TUSC3: variants seen among roughly 807,000 people sequenced by gnomAD.
TUSC3 encodes dolichyl-diphosphooligosaccharide--protein glycosyltransferase subunit TUSC3.
Under a neutral mutation model 44.8 loss-of-function variants are expected in TUSC3, and 45 were observed. The ratio of observed to expected loss-of-function variants is 1.00; its 90% CI spans 0.79 to 1.29. The LOEUF is 1.29. Among genes scored for constraint, TUSC3 ranks in the 50% most tolerant of loss-of-function variants. TUSC3 has a pLI of 0.00. For missense variants in TUSC3, 519 were observed against 437.9 expected (o/e 1.19, Z -1.65); for synonymous variants, 212 against 152.9 (o/e 1.39, Z -2.85).
chr8:15,618,196 C>G (rs1478074051), intron 1 of TUSC3, among the ~76,000 whole-genome samples: 1 of 152,152 alleles, frequency 6.6e-6, no homozygotes, highest in Non-Finnish European at 1.5e-5. Context: ...TTACTGTACA[C>G]TACTGTAGAC....
At chr8:15,802,459 G>A in the TUSC3 span, among the ~76,000 whole-genome samples, 2 of 152,132 alleles carry the variant, frequency 1.3e-5, no homozygotes, top group African/African-American at 2.4e-5. Flanking sequence ...GTCTTGCACT[G>A]TCGCCAGGCT....
At chr8:15,790,564 G>T in the TUSC3 span, among the ~76,000 whole-genome samples, 6 of 152,014 alleles carry the variant, frequency 3.9e-5, no homozygotes, top group Non-Finnish European at 5.9e-5. Flanking sequence ...AGAGGTTGCC[G>T]TCAGTGCCAC....
At chr8:15,769,998 A>G (rs1190898094), downstream of TUSC3, among the ~76,000 whole-genome samples, 2 of 152,200 alleles carry the variant, frequency 1.3e-5, no homozygotes, top group African/African-American at 4.8e-5. Context: ...TGTGGAAGAC[A>G]GTGTGGTGAT....
chr8:15,440,299 A>G (rs372608447), intron 1 of TUSC3, among the ~76,000 whole-genome samples: 1 of 152,278 alleles, frequency 6.6e-6, no homozygotes, highest in East Asian at 1.9e-4. Flanking sequence ...GACAGATCCA[A>G]CAAATAAAGC....
intron 2 of TUSC3, among the ~76,000 whole-genome samples, chr8:15,631,896 A>T (rs919748891): frequency 6.6e-6 from 1 of 151,878 alleles, no homozygotes; most frequent in African/African-American, 2.4e-5. Context: ...TTTAGTAGAG[A>T]TGGGGTTTCA....
At chr8:15,839,666 A>C in the TUSC3 span, among the ~76,000 whole-genome samples, 1 of 152,212 alleles carries the variant, frequency 6.6e-6, no homozygotes, top group African/African-American at 2.4e-5. Flanking sequence ...GCAAATCAAA[A>C]CCACAATGAG....
At chr8:15,675,310 A>G (rs919998381) in intron 6 of TUSC3, among the ~76,000 whole-genome samples, 2 of 150,786 alleles carry the variant, frequency 1.3e-5, no homozygotes, top group African/African-American at 5.0e-5. Context: ...TTCTTTAGGT[A>G]TAAAACATAT....
chr8:15,770,396 C>G (rs754141159), downstream of TUSC3, among the ~76,000 whole-genome samples: 1 of 152,022 alleles, frequency 6.6e-6, no homozygotes, highest in East Asian at 1.9e-4. Flanking sequence ...CATCACACAC[C>G]GAGGCCTGTC....
chr8:15,617,416 G>C (rs556523385), intron 1 of TUSC3, among the ~76,000 whole-genome samples: 1 of 151,998 alleles, frequency 6.6e-6, no homozygotes, highest in South Asian at 2.1e-4. Context: ...AGGATTACAG[G>C]CGTGAGCCAC....
intron 1 of TUSC3, among the ~76,000 whole-genome samples, chr8:15,445,519 CTTAACGAGCATGCTG>C (rs1332506828): frequency 6.6e-6 from 1 of 152,082 alleles, no homozygotes; most frequent in African/African-American, 2.4e-5. Flanking sequence ...GGTGATGACT[CTTAACGAGCATGCTG>C]CCTTCAAGCA....
chr8:15,552,116 G>A (rs1802079891), intron 1 of TUSC3, among the ~76,000 whole-genome samples: 1 of 151,672 alleles, frequency 6.6e-6, no homozygotes, highest in Non-Finnish European at 1.5e-5. Context: ...TAAGTATGTT[G>A]TAAATGTTTT....
chr8:15,488,838 G>T (rs1800769033), intron 2 of TUSC3, among the ~76,000 whole-genome samples: 2 of 152,152 alleles, frequency 1.3e-5, no homozygotes, highest in African/African-American at 4.8e-5. Context: ...AGAAATAAAT[G>T]TTAGTTGCAT....
At chr8:15,477,564 T>C (rs1335642801) in intron 1 of TUSC3, among the ~76,000 whole-genome samples, 4 of 151,850 alleles carry the variant, frequency 2.6e-5, no homozygotes, top group African/African-American at 9.7e-5. Context: ...CTACTAAAAA[T>C]ACAAAAAATT....
rs1802459159 is a variant in TUSC3 at position 15,561,495 on chromosome 8, A to G, written c.138+20927A>G. 2 of 146,948 alleles carry G rather than the reference A, an allele frequency of 1.4e-5. 1 individual carries two copies. Among genetic ancestry groups the G allele is most frequent in the Non-Finnish European group, 3.0e-5 (2 of 65,814 alleles). The allele number at this position is 146,948 out of a possible 1,614,324, so 9.1% of individuals were successfully genotyped here. On this transcript the variant is annotated intron_variant, in intron 1 of 10. Coordinates refer to ENST00000503731, the MANE Select transcript of TUSC3 (RefSeq NM_006765.4). ...CTGCCCCCAGAGGTGGAGCCTACAG[A>G]GGCAGGCAGGCCTCCTTGAGCTGTG...
At chr8:15,624,603 T>G (rs1805406058) in intron 2 of TUSC3, among the ~76,000 whole-genome samples, 1 of 152,206 alleles carries the variant, frequency 6.6e-6, no homozygotes, top group Admixed American at 6.5e-5. Flanking sequence ...CATCTATGTA[T>G]CATCTTTAAT....
At chr8:15,609,999 T>C (rs974877869) in intron 1 of TUSC3, among the ~76,000 whole-genome samples, 1 of 152,138 alleles carries the variant, frequency 6.6e-6, no homozygotes, top group African/African-American at 2.4e-5. Context: ...TGTATTATTA[T>C]GCTCTTTATT....
chr8:15,496,658 CAG>C (rs1800884323), intron 2 of TUSC3, among the ~76,000 whole-genome samples: 1 of 152,134 alleles, frequency 6.6e-6, no homozygotes, highest in Non-Finnish European at 1.5e-5. Context: ...GGAGTAGGAA[CAG>C]ACCCTGAGAA....
chr8:15,818,622 G>C, the TUSC3 span, among the ~76,000 whole-genome samples: 1 of 152,068 alleles, frequency 6.6e-6, no homozygotes, highest in Non-Finnish European at 1.5e-5. Context: ...GATCAGAACA[G>C]GGTTTTTAAG....
intron 5 of TUSC3, among the ~76,000 whole-genome samples, chr8:15,671,703 T>C (rs563496112): frequency 1.6e-4 from 24 of 152,228 alleles, no homozygotes; most frequent in African/African-American, 5.8e-4. Flanking sequence ...TTGCCTCTTT[T>C]CCTCCATGTA....
Sources: allele counts gnomAD v4.1 joint callset (sites outside exome capture counted in the v4.1 genomes callset), GRCh38; gene constraint gnomAD v4.1.1; transcripts MANE v1.5; gene names NCBI Gene and HGNC (gene_info 2026-07-23, HGNC 2026-07-21).